The following RASGEF1A variants were observed in gnomAD, a reference collection of about 807,000 sequenced individuals.
The protein encoded by RASGEF1A is ras-GEF domain-containing family member 1A.
Under a neutral mutation model 56.4 loss-of-function variants are expected in RASGEF1A, and 18 were observed. The ratio of observed to expected loss-of-function variants is 0.32; its 90% CI spans 0.22 to 0.47. The LOEUF (loss-of-function observed/expected upper bound fraction) is 0.47. RASGEF1A is among the 20% of genes least tolerant of loss of function. The probability of loss-of-function intolerance (pLI) is 1.00; values close to 1 mark genes in which losing one functional copy is unlikely to be tolerated. For synonymous variants in RASGEF1A, 245 were observed against 242.6 expected (o/e 1.01, Z -0.09); for missense variants, 422 against 627.1 (o/e 0.67, Z 3.49).
intron 1 of RASGEF1A, among the ~76,000 whole-genome samples, chr10:43,218,560 A>G (rs934969727): frequency 6.6e-6 from 1 of 151,940 alleles, no homozygotes; most frequent in Admixed American, 6.6e-5. Flanking sequence ...CAGGGCAGGG[A>G]ACTCCCTGCA....
chr10:43,218,634 A>G (rs74558005), intron 1 of RASGEF1A, among the ~76,000 whole-genome samples: 8,661 of 152,348 alleles, frequency 0.057, 643 homozygotes, highest in African/African-American at 0.17. Flanking sequence ...GCTGTTTCAC[A>G]TAAGCCAAAC....
intron 1 of RASGEF1A, among the ~76,000 whole-genome samples, chr10:43,250,209 G>T (rs1029520250): frequency 1.3e-5 from 2 of 152,236 alleles, no homozygotes; most frequent in Non-Finnish European, 2.9e-5. Context: ...AGCTATGGAG[G>T]AGCGCTGCCT....
intron 9 of RASGEF1A, among the ~76,000 whole-genome samples, chr10:43,198,455 T>C: frequency 6.6e-6 from 1 of 152,154 alleles, no homozygotes; most frequent in East Asian, 1.9e-4. Context: ...ACCCTCGCCC[T>C]CCTTCCTTCA....
chr10:43,260,480 T>C (rs1196644111), intron 1 of RASGEF1A, among the ~76,000 whole-genome samples: 1 of 152,252 alleles, frequency 6.6e-6, no homozygotes, highest in Non-Finnish European at 1.5e-5. Context: ...TGTGCTGCCC[T>C]GGAGTCCAAC....
At chr10:43,244,459 A>G (rs566376001) in intron 1 of RASGEF1A, among the ~76,000 whole-genome samples, 1 of 151,276 alleles carries the variant, frequency 6.6e-6, no homozygotes, top group South Asian at 2.1e-4. Flanking sequence ...GACCTAACAG[A>G]CATCGACAGA....
intron 1 of RASGEF1A, among the ~76,000 whole-genome samples, chr10:43,264,270 AGCCCCAG>A (rs747855964): frequency 2.0e-4 from 31 of 151,568 alleles, no homozygotes; most frequent in Non-Finnish European, 3.4e-4. Context: ...ACATACCCAC[AGCCCCAG>A]GCTCTGTGCC....
At chr10:43,230,591 G>T (rs1041095342) in intron 1 of RASGEF1A, among the ~76,000 whole-genome samples, 1 of 152,134 alleles carries the variant, frequency 6.6e-6, no homozygotes, top group South Asian at 2.1e-4. Context: ...CGAGTTGGCC[G>T]GCGGGGCGGC....
intron 1 of RASGEF1A, among the ~76,000 whole-genome samples, chr10:43,257,278 C>G (rs1836433531): frequency 6.6e-6 from 1 of 152,244 alleles, no homozygotes; most frequent in Non-Finnish European, 1.5e-5. Flanking sequence ...CTTGACCCCT[C>G]CAAGCCTCGC....
At chr10:43,263,452 A>C (rs775677738) in intron 1 of RASGEF1A, among the ~76,000 whole-genome samples, 1 of 152,178 alleles carries the variant, frequency 6.6e-6, no homozygotes, top group African/African-American at 2.4e-5. Flanking sequence ...GTTTTTAAAA[A>C]AGGAAAAGCA....
intron 1 of RASGEF1A, among the ~76,000 whole-genome samples, chr10:43,220,105 T>C (rs1431789216): frequency 6.6e-6 from 1 of 152,110 alleles, no homozygotes; most frequent in Non-Finnish European, 1.5e-5. Context: ...TGTGCGTCTG[T>C]CCCCTGGCCC....
intron 1 of RASGEF1A, among the ~76,000 whole-genome samples, chr10:43,224,672 T>A (rs935790288): frequency 6.6e-6 from 1 of 152,216 alleles, no homozygotes; most frequent in Non-Finnish European, 1.5e-5. Context: ...ATGAAAAGCC[T>A]CCTCATTAAA....
In RASGEF1A at chr10:43,233,954, C is replaced by A. The variant is rs79779885; in HGVS notation, c.-6-27832G>T. Among the ~76,000 whole-genome samples, 319 of 152,300 alleles carry A rather than the reference C, an allele frequency of 2.1e-3. 5 individuals carry two copies. The East Asian group carries it at 0.055, about 26-fold the overall frequency. ...CGAGGATAACCCACCCAGACAACCA[C>A]AGGCAAGGGCAGGGAGTCAAGGACA... On this transcript the variant is annotated intron_variant, in intron 1 of 12. Coordinates refer to ENST00000395810, the MANE Select transcript of RASGEF1A (RefSeq NM_145313.4).
In RASGEF1A at chr10:43,196,175, C is replaced by A. The variant is rs1161876978; in HGVS notation, c.*69G>T. 4.0e-6 allele frequency: 6 copies of A among 1,517,680 alleles called. No homozygotes were observed. Among genetic ancestry groups the A allele is most frequent in the Middle Eastern group, 1.7e-4 (1 of 5,820 alleles). The allele number at this position is 1,517,680 out of a possible 1,614,324, so 94.0% of individuals were successfully genotyped here. On this transcript the variant is annotated 3_prime_UTR_variant, in exon 13 of 13. Transcript: ENST00000395810. This position sits in a 1 kb window ranked among gnomAD's most constrained non-coding sequence, Gnocchi z 4.6. ...AACCAGTGAGGCCTCCTCATCTCAA[C>A]CCACATCAGTCAAAATTTAAACCCA... is the stretch of plus-strand genomic sequence containing the variant.
intron 1 of RASGEF1A, among the ~76,000 whole-genome samples, chr10:43,218,423 G>A (rs996720254): frequency 5.9e-5 from 9 of 152,216 alleles, no homozygotes; most frequent in African/African-American, 1.9e-4. Flanking sequence ...GTCTAGGGAT[G>A]GGGGGCGTTG....
At chr10:43,214,521 G>A (rs1305369970) in intron 1 of RASGEF1A, among the ~76,000 whole-genome samples, 1 of 152,172 alleles carries the variant, frequency 6.6e-6, no homozygotes, top group African/African-American at 2.4e-5. Context: ...AGCATCAGAA[G>A]GTGGCCCTAT....
chr10:43,204,940 C>G (rs1231204942), intron 2 of RASGEF1A, among the ~76,000 whole-genome samples: 2 of 152,242 alleles, frequency 1.3e-5, no homozygotes, highest in Non-Finnish European at 2.9e-5. Flanking sequence ...ACTGCCATCT[C>G]CAGCCCCAGC....
chr10:43,258,204 C>T (rs545329049), intron 1 of RASGEF1A, among the ~76,000 whole-genome samples: 18 of 152,320 alleles, frequency 1.2e-4, no homozygotes, highest in African/African-American at 3.6e-4. Flanking sequence ...GATAGGGAGG[C>T]GCAGTTTCGT....
Position 43,256,792 on chromosome 10 carries a change from G to A in RASGEF1A, c.-7+10053C>T, listed in dbSNP as rs143794441. Among the ~76,000 whole-genome samples, 60 of 152,252 alleles carry A rather than the reference G, an allele frequency of 3.9e-4. No individual in the cohort carries two copies. The East Asian group carries it at 7.3e-3, about 19-fold the overall frequency. On this transcript the variant is annotated intron_variant, in intron 1 of 12. Coordinates refer to ENST00000395810, the MANE Select transcript of RASGEF1A (RefSeq NM_145313.4). ...AGCCGTGAAGGTGGCATGAAACCCC[G>A]GGCCTCTGTTCCCCGACTTTCTTGC...
chr10:43,210,787 C>T (rs566283534), intron 1 of RASGEF1A, among the ~76,000 whole-genome samples: 1 of 152,286 alleles, frequency 6.6e-6, no homozygotes, highest in African/African-American at 2.4e-5. Context: ...GTGTGCCAGA[C>T]CAGTCTCTGT....
Sources: allele counts gnomAD v4.1 joint callset (sites outside exome capture counted in the v4.1 genomes callset), GRCh38; gene constraint gnomAD v4.1.1; non-coding constraint Gnocchi (gnomAD v3.1); transcripts MANE v1.5; gene names NCBI Gene and HGNC (gene_info 2026-07-23, HGNC 2026-07-21).